The following C1orf116 variants were observed in gnomAD, a reference collection of about 807,000 sequenced individuals.
The protein encoded by C1orf116 is chromosome 1 open reading frame 116.
A neutral mutation model predicts 14.1 loss-of-function variants in C1orf116; 12 were observed. The ratio of observed to expected loss-of-function variants is 0.85; its 90% confidence interval spans 0.54 to 1.38. The LOEUF (loss-of-function observed/expected upper bound fraction) is 1.38, where lower values mean the gene tolerates loss of function less well. Among genes scored for constraint, C1orf116 ranks in the 40% most tolerant of loss-of-function variants. The pLI is 0.00. For missense variants in C1orf116, 797 were observed against 747.0 expected (o/e 1.07, Z -0.78); for synonymous variants, 296 against 299.0 (o/e 0.99, Z 0.10).
Position 207,025,024 on chromosome 1 carries a change from T to G in C1orf116, c.146A>C (p.Glu49Ala), listed in dbSNP as rs1264081597. The change falls in exon 3 of 4, where the codon GAG becomes GCG. Residue 49 changes from glutamate (E) to alanine (A), a missense_variant. Coordinates refer to ENST00000359470, the MANE Select transcript of C1orf116 (RefSeq NM_023938.6). The stretch of plus-strand genomic sequence containing the variant: ...GGTCTCCTCCAGGAAGAGCAGACAC[T>G]CCTTCTCTTCAGTGGACAGGAAGTC... Reference protein sequence around the residue: ...SYDFLSTEEKECLLFLEETIG... With the variant: ...SYDFLSTEEKACLLFLEETIG... The G allele has an allele frequency of 1.9e-6, 3 of 1,538,590 alleles. No individual in the cohort carries two copies. The highest frequency in any genetic ancestry group is 3.5e-5 in the Admixed American group (2 of 56,578).
chr1:207,030,080 G>C (rs939470385), intron 1 of C1orf116, among the ~76,000 whole-genome samples: 8 of 152,138 alleles, frequency 5.3e-5, no homozygotes, highest in Non-Finnish European at 1.0e-4. Flanking sequence ...AGCTGGAAGA[G>C]ATAAAAGTGG....
intron 2 of C1orf116, among the ~76,000 whole-genome samples, chr1:207,026,331 T>G (rs1327743549): frequency 2.6e-5 from 4 of 152,244 alleles, no homozygotes; most frequent in Non-Finnish European, 4.4e-5. Context: ...ATATCTTTAT[T>G]GTCCTCTTCC....
chr1:207,021,855 C>T lies in C1orf116; in HGVS notation c.*103G>A. The T allele has an allele frequency of 8.5e-7, 1 of 1,170,966 alleles. No individual in the cohort carries two copies. The highest frequency in any genetic ancestry group is 2.4e-5 in the East Asian group (1 of 41,204). The allele number at this position is 1,170,966 out of a possible 1,614,324, so 72.5% of individuals were successfully genotyped here. On this transcript the variant is annotated 3_prime_UTR_variant, in exon 4 of 4. Coordinates refer to ENST00000359470, the MANE Select transcript of C1orf116 (RefSeq NM_023938.6). ...TATGCTTGGACTCAAATCTCTCCCT[C>T]CCATTCATCTTGAGCCCTGAGTTGC...
At chr1:207,027,193 T>C (rs900998119) in intron 2 of C1orf116, among the ~76,000 whole-genome samples, 1 of 152,174 alleles carries the variant, frequency 6.6e-6, no homozygotes, top group Non-Finnish European at 1.5e-5. Flanking sequence ...TATGTTCTGG[T>C]TTCCACCATG....
intron 1 of C1orf116, among the ~76,000 whole-genome samples, chr1:207,030,914 C>A (rs146406627): frequency 6.6e-6 from 1 of 152,184 alleles, no homozygotes; most frequent in South Asian, 2.1e-4. Flanking sequence ...TACTGCCAAG[C>A]CTTGGAGGAG....
chr1:207,026,463 G>A (rs1363065876), intron 2 of C1orf116, among the ~76,000 whole-genome samples: 1 of 152,104 alleles, frequency 6.6e-6, no homozygotes, highest in Non-Finnish European at 1.5e-5. Flanking sequence ...ATTCACGTTG[G>A]CCTCAGCCTA....
chr1:207,023,613 G>A, intron 3 of C1orf116, 133 bp from the exon 4 acceptor site: 1 of 1,320,318 alleles, frequency 7.6e-7, no homozygotes, highest in African/African-American at 1.5e-5. Flanking sequence ...GTTTTATTTT[G>A]CCTTGTTTTC....
chr1:207,021,770 G>C lies in C1orf116; in HGVS notation c.*188C>G, dbSNP rs1423071868. The C allele has an allele frequency of 3.8e-6, 2 of 530,226 alleles. No homozygotes were observed. Among genetic ancestry groups the C allele is most frequent in the Non-Finnish European group, 6.2e-6 (2 of 322,320 alleles). The allele number at this position is 530,226 out of a possible 1,614,324, so 32.8% of individuals were successfully genotyped here. A position where few individuals can be genotyped will look rare whatever the true frequency, so the allele number is the denominator to read the frequency against. On this transcript the variant is annotated 3_prime_UTR_variant, in exon 4 of 4. Transcript: ENST00000359470. Reference sequence around the variant, plus strand: ...AACACACACACACACACCCTCTTGTGGAGATCACCTTCAGAATGATCCACA... The same window carrying C: ...AACACACACACACACACCCTCTTGTCGAGATCACCTTCAGAATGATCCACA...
In C1orf116 at chr1:207,032,737, C is replaced by G. The variant is rs1252633266; in HGVS notation, c.-240G>C. 1 of 985,218 alleles carries G rather than the reference C, an allele frequency of 1.0e-6. No homozygotes were observed. Among genetic ancestry groups the G allele is most frequent in the African/African-American group, 1.7e-5 (1 of 57,160 alleles). The allele number at this position is 985,218 out of a possible 1,614,324, so 61.0% of individuals were successfully genotyped here. On this transcript the variant is annotated 5_prime_UTR_variant, in exon 1 of 4. Coordinates refer to ENST00000359470, the MANE Select transcript of C1orf116 (RefSeq NM_023938.6). ...TAGGTAAATGCTTCATCTGTGCTGC[C>G]TGGCCCCCACCCTGCCACTGACTCA...
chr1:207,025,016 G>C lies in C1orf116; in HGVS notation c.154C>G (p.Leu52Val). The change falls in exon 3 of 4, where the codon CTC becomes GTC. Residue 52 changes from leucine (L) to valine (V), a missense_variant. Leu to Val is a conservative substitution (Grantham distance 32, BLOSUM62 1). Coordinates refer to ENST00000359470, the MANE Select transcript of C1orf116 (RefSeq NM_023938.6). The stretch of plus-strand genomic sequence containing the variant: ...GAGCCAATGGTCTCCTCCAGGAAGA[G>C]CAGACACTCCTTCTCTTCAGTGGAC... ...FLSTEEKECL[L>V]FLEETIGSLD... is the part of the protein sequence containing the mutation. The C allele has an allele frequency of 1.3e-6, 2 of 1,483,152 alleles. No homozygotes were observed. Among genetic ancestry groups the C allele is most frequent in the Non-Finnish European group, 1.8e-6 (2 of 1,099,872 alleles). The allele number at this position is 1,483,152 out of a possible 1,614,324, so 91.9% of individuals were successfully genotyped here.
intron 3 of C1orf116, 98 bp downstream of exon 3, chr1:207,024,789 C>T (rs2102300509): frequency 7.1e-7 from 1 of 1,412,494 alleles, no homozygotes; most frequent in South Asian, 1.3e-5. Flanking sequence ...CTGCCTGTGA[C>T]CCTTGGGGTA....
chr1:207,022,539 C>T lies in C1orf116; in HGVS notation c.1225G>A (p.Ala409Thr), dbSNP rs368591569. ...ASAAIPAAGK[A>T]LAQAPAPAPG... ...GCTGGAGCCGGAGCTTGAGCCAGAG[C>T]CTTCCCAGCAGCAGGAATAGCTGCT... is the stretch of plus-strand genomic sequence containing the variant. Residue 409 changes from alanine (A) to threonine (T), a missense_variant, in exon 4 of 4, where the codon GCT (alanine) becomes ACT (threonine). Coordinates refer to ENST00000359470, the MANE Select transcript of C1orf116 (RefSeq NM_023938.6). The T allele has an allele frequency of 6.2e-7, 1 of 1,614,050 alleles. No individual in the cohort carries two copies. Among genetic ancestry groups the T allele is most frequent in the Non-Finnish European group, 8.5e-7 (1 of 1,179,972 alleles).
intron 1 of C1orf116, among the ~76,000 whole-genome samples, chr1:207,030,090 G>A (rs1288316563): frequency 2.0e-5 from 3 of 152,138 alleles, no homozygotes; most frequent in Admixed American, 2.0e-4. Context: ...GATAAAAGTG[G>A]TAGGAAAAGC....
chr1:207,022,979 G>A lies in C1orf116; in HGVS notation c.785C>T (p.Pro262Leu). 6.2e-7 allele frequency: 1 copy of A among 1,614,132 alleles called. No homozygotes were observed. The highest frequency in any genetic ancestry group is 1.1e-5 in the South Asian group (1 of 91,088). Residue 262 changes from proline to leucine, a missense_variant, in exon 4 of 4, where the codon CCC becomes CTC. Pro to Leu is a moderately conservative substitution (Grantham distance 98). Coordinates refer to ENST00000359470, the MANE Select transcript of C1orf116 (RefSeq NM_023938.6). Reference sequence around the variant, plus strand: ...AGGCAACCCTGCAGGAGGAGGCTGGGGTTGTGTGTACCTGGTTGAGACTGT... The same window carrying A: ...AGGCAACCCTGCAGGAGGAGGCTGGAGTTGTGTGTACCTGGTTGAGACTGT... ...KETVSTRYTQPQPPPAGLPQN... is the reference protein window; with the variant it reads ...KETVSTRYTQLQPPPAGLPQN...
Position 207,022,968 on chromosome 1 carries a change from G to A in C1orf116, c.796C>T (p.Pro266Ser). The A allele has an allele frequency of 6.2e-7, 1 of 1,614,160 alleles. No individual in the cohort carries two copies. The highest frequency in any genetic ancestry group is 8.5e-7 in the Non-Finnish European group (1 of 1,180,026). ...CTTGCATTCTGAGGCAACCCTGCAG[G>A]AGGAGGCTGGGGTTGTGTGTACCTG... ...STRYTQPQPP[P>S]AGLPQNARAE... The change falls in exon 4 of 4, where the codon CCT becomes TCT. Residue 266 changes from proline to serine, a missense_variant. Transcript: ENST00000359470.
chr1:207,023,190 C>A lies in C1orf116; in HGVS notation c.574G>T (p.Asp192Tyr). ...GGAGGGATGAGCACCACGTCCAAGT[C>A]AAGGGCAGCCTCCTGGGGGCTGGCA... ...APASPQEAAL[D>Y]LDVVLIPPPE... is the part of the protein sequence containing the mutation. Residue 192 changes from aspartate (D) to tyrosine (Y), a missense_variant, in exon 4 of 4, where the codon GAC becomes TAC. By Grantham distance (160) the Asp-to-Tyr change is radical (BLOSUM62 -3). Transcript: ENST00000359470. The A allele has an allele frequency of 6.2e-7, 1 of 1,608,692 alleles. No individual in the cohort carries two copies. Among genetic ancestry groups the A allele is most frequent in the Non-Finnish European group, 8.5e-7 (1 of 1,177,148 alleles).
At chr1:207,027,922 T>C (rs1682133951) in intron 1 of C1orf116, among the ~76,000 whole-genome samples, 1 of 152,224 alleles carries the variant, frequency 6.6e-6, no homozygotes, top group South Asian at 2.1e-4. Flanking sequence ...CTACTACTTC[T>C]CTTACATTTT....
In C1orf116 at chr1:207,023,313, T is replaced by C; in HGVS notation, c.451A>G (p.Thr151Ala). 7.4e-6 allele frequency: 12 copies of C among 1,614,134 alleles called. No individual in the cohort carries two copies. Among genetic ancestry groups the C allele is most frequent in the Non-Finnish European group, 1.0e-5 (12 of 1,180,004 alleles). Residue 151 changes from threonine to alanine, a missense_variant, in exon 4 of 4, where the codon ACC becomes GCC. Coordinates refer to ENST00000359470, the MANE Select transcript of C1orf116 (RefSeq NM_023938.6). ...CCAGGGTTGTGACTGCTAGCCTGGG[T>C]GGTGCTTTTCCTGAAGTTCTGGCTT... ...ARSQNFRKSTTQASSHNPGEP... is the reference protein window; with the variant it reads ...ARSQNFRKSTAQASSHNPGEP...
Position 207,022,176 on chromosome 1 carries a change from G to C in C1orf116, c.1588C>G (p.Pro530Ala). 1 of 1,613,624 alleles carries C rather than the reference G, an allele frequency of 6.2e-7. No homozygotes were observed. The highest frequency in any genetic ancestry group is 1.3e-5 in the African/African-American group (1 of 75,054). ...PSVLRNSRPR[P>A]ASLGTGKDFA... ...TCTTTCCCCGTGCCCAGGGAGGCCG[G>C]GCGGGGCCGAGAATTACGTAAGACA... The change falls in exon 4 of 4, where the codon CCG becomes GCG. Residue 530 changes from proline to alanine, a missense_variant. Transcript: ENST00000359470.
Sources: allele counts gnomAD v4.1 joint callset (sites outside exome capture counted in the v4.1 genomes callset), GRCh38; gene constraint gnomAD v4.1.1; transcripts MANE v1.5; gene names NCBI Gene and HGNC (gene_info 2026-07-23, HGNC 2026-07-21).